The following EGFR variants were observed in gnomAD, a reference collection of about 807,000 sequenced individuals.
The protein encoded by EGFR is avian erythroblastic leukemia viral (v-erb-b) oncogene homolog.
In EGFR, 58 loss-of-function variants were observed where a neutral mutation model predicts 143.0. The observed-to-expected ratio is 0.41, with a 90% CI of 0.33 to 0.50. The LOEUF (loss-of-function observed/expected upper bound fraction) is 0.50, where lower values mean the gene tolerates loss of function less well. Among genes scored for constraint, EGFR ranks in the 20% least tolerant of loss-of-function variants. The probability of loss-of-function intolerance (pLI) is 0.39; values close to 1 mark genes in which losing one functional copy is unlikely to be tolerated. For synonymous variants in EGFR, 613 were observed against 594.4 expected, an observed-to-expected ratio of 1.03 and a Z score of -0.45; for missense variants, 1,307 against 1,579.0, an observed-to-expected ratio of 0.83 and a Z score of 2.92.
intron 19 of EGFR, among the ~76,000 whole-genome samples, chr7:55,178,062 C>A (rs548887656): frequency 7.2e-5 from 11 of 152,316 alleles, no homozygotes; most frequent in African/African-American, 1.2e-4. Flanking sequence ...CCACGCCCCC[C>A]GCTCTGCTCC....
rs2128964703 is a variant in EGFR, at chr7:55,191,862, A to G, written c.2613A>G (p.Ala871=). 3.1e-6 allele frequency: 5 copies of G among 1,613,884 alleles called. No individual in the cohort carries two copies. The highest frequency in any genetic ancestry group is 4.2e-6 in the Non-Finnish European group (5 of 1,180,040). The change falls in exon 21 of 28, where the codon GCA becomes GCG. Residue 871 remains alanine (A), a synonymous_variant. Coordinates refer to ENST00000275493, the MANE Select transcript of EGFR (RefSeq NM_005228.5). ...LLGAEEKEYH[A]EGGKVPIKWM... ...GTGCGGAAGAGAAAGAATACCATGC[A>G]GAAGGAGGCAAAGTAAGGAGGTGGC... is the stretch of plus-strand genomic sequence containing the variant.
At chr7:55,142,139 C>A in intron 1 of EGFR, 147 bp from the exon 2 acceptor site, 1 of 919,816 alleles carries the variant, frequency 1.1e-6, no homozygotes, top group Non-Finnish European at 1.7e-6. Flanking sequence ...GCTTTGCGCC[C>A]AGATGACCTG....
At chr7:55,166,808 GA>G in intron 15 of EGFR, among the ~76,000 whole-genome samples, 3 of 128,024 alleles carry the variant, frequency 2.3e-5, no homozygotes, top group Admixed American at 7.7e-5. Context: ...TGGTGGTGGT[GA>G]GGAGGTGGGA....
intron 1 of EGFR, among the ~76,000 whole-genome samples, chr7:55,059,584 G>A (rs577346590): frequency 2.0e-5 from 3 of 152,002 alleles, no homozygotes; most frequent in African/African-American, 7.2e-5. Context: ...ACGCAGAGTC[G>A]TCTCCTGGCC....
intron 1 of EGFR, among the ~76,000 whole-genome samples, chr7:55,060,816 C>G (rs1789123248): frequency 6.6e-6 from 1 of 152,172 alleles, no homozygotes; most frequent in Non-Finnish European, 1.5e-5. Context: ...GAGACAAGGG[C>G]TCAATGCCAA....
intron 1 of EGFR, among the ~76,000 whole-genome samples, chr7:55,071,294 T>G (rs1477498224): frequency 6.6e-6 from 1 of 152,258 alleles, no homozygotes; most frequent in Non-Finnish European, 1.5e-5. Context: ...AAATTGCCTT[T>G]GTATATTTTC....
At chr7:55,204,818 TACAC>T (rs1788043610) in intron 27 of EGFR, among the ~76,000 whole-genome samples, 1 of 121,556 alleles carries the variant, frequency 8.2e-6, no homozygotes, top group African/African-American at 3.2e-5. Context: ...ACACCACATA[TACAC>T]ACACGTACAC....
chr7:55,116,219 C>T (rs1792831286), intron 1 of EGFR, among the ~76,000 whole-genome samples: 1 of 152,230 alleles, frequency 6.6e-6, no homozygotes, highest in African/African-American at 2.4e-5. Flanking sequence ...GATCCCCTGA[C>T]CTCAAGCTCA....
rs772091823 is a variant in EGFR at position 55,191,744 on chromosome 7, G to T, written c.2495G>T (p.Arg832Leu). The T allele has an allele frequency of 6.2e-7, 1 of 1,613,936 alleles. No homozygotes were observed. The highest frequency in any genetic ancestry group is 8.5e-7 in the Non-Finnish European group (1 of 1,180,006). Reference sequence around the variant, plus strand: ...GGCATGAACTACTTGGAGGACCGTCGCTTGGTGCACCGCGACCTGGCAGCC... The same window carrying T: ...GGCATGAACTACTTGGAGGACCGTCTCTTGGTGCACCGCGACCTGGCAGCC... Reference protein sequence around the residue: ...AKGMNYLEDRRLVHRDLAARN... With the variant: ...AKGMNYLEDRLLVHRDLAARN... The change falls in exon 21 of 28, where the codon CGC becomes CTC. Residue 832 changes from arginine to leucine, a missense_variant. By Grantham distance (102) the Arg-to-Leu change is moderately radical. Around this residue, in one of 7 missense-constraint regions of EGFR, gnomAD observed 348 missense variants for 451.5 expected, o/e 0.77. Transcript: ENST00000275493.
Position 55,156,667 on chromosome 7 carries a change from A to G in EGFR, c.1133+8A>G, listed in dbSNP as rs769982998. 27 of 1,614,126 alleles carry G rather than the reference A, an allele frequency of 1.7e-5. No homozygotes were observed. In the Admixed American group the frequency reaches 4.5e-4, roughly 27 times the overall value. ...GCCGGTGGCATTTAGGGGGTGAGTC[A>G]CAGGTTCAGTTGCTTGTATAAAGAA... is the stretch of plus-strand genomic sequence containing the variant. On this transcript the variant is annotated splice_region_variant and intron_variant, in intron 9 of 27. Coordinates refer to ENST00000275493, the MANE Select transcript of EGFR (RefSeq NM_005228.5).
At chr7:55,058,467 T>C (rs112317270) in intron 1 of EGFR, among the ~76,000 whole-genome samples, 25,697 of 151,304 alleles carry the variant, frequency 0.17, 2,520 homozygotes, top group African/African-American at 0.27. Flanking sequence ...TAAATGCCCA[T>C]CGGTGATAGA....
intron 1 of EGFR, among the ~76,000 whole-genome samples, chr7:55,061,682 A>T (rs1331732368): frequency 1.4e-5 from 2 of 147,760 alleles, no homozygotes; most frequent in Non-Finnish European, 3.0e-5. Flanking sequence ...GACTGTAAAC[A>T]TATATCTCTG....
intron 15 of EGFR, 144 bp downstream of exon 15, chr7:55,165,581 C>G (rs1280869132): frequency 1.5e-5 from 17 of 1,126,148 alleles, no homozygotes; most frequent in Non-Finnish European, 2.0e-5. Flanking sequence ...CACAGCCATG[C>G]CAGTAGCAAC....
chr7:55,192,258 A>G (rs1256066196), intron 21 of EGFR, among the ~76,000 whole-genome samples: 2 of 152,156 alleles, frequency 1.3e-5, no homozygotes, highest in African/African-American at 4.8e-5. Flanking sequence ...TGCGGACCCG[A>G]GCTCCCAGGG....
At chr7:55,154,467 G>A (rs1288154865) in intron 7 of EGFR, among the ~76,000 whole-genome samples, 4 of 152,254 alleles carry the variant, frequency 2.6e-5, no homozygotes, top group Non-Finnish European at 4.4e-5. Flanking sequence ...AGCCACAGCC[G>A]TGGGTATTCA....
intron 1 of EGFR, among the ~76,000 whole-genome samples, chr7:55,131,460 C>T (rs1360569486): frequency 6.6e-6 from 1 of 152,180 alleles, no homozygotes; most frequent in East Asian, 1.9e-4. Flanking sequence ...CTTCCTTTTA[C>T]TGCTTCTCAT....
chr7:55,140,827 GAAC>G (rs934223856), intron 1 of EGFR, among the ~76,000 whole-genome samples: 1 of 152,220 alleles, frequency 6.6e-6, no homozygotes, highest in African/African-American at 2.4e-5. Context: ...CAGAAGGGAA[GAAC>G]AGGGAAATCC....
rs1055412180 is a variant in EGFR, at chr7:55,206,974, A to C, written c.*1357A>C. ...CAACATTTGCAGATGTTTTAGAAGG[A>C]AAAAAGTTCCTTCCTAAAATAATTT... On this transcript the variant is annotated 3_prime_UTR_variant, in exon 28 of 28. Transcript: ENST00000275493. The C allele has an allele frequency of 4.3e-6, 1 of 232,978 alleles. No individual in the cohort carries two copies. Among genetic ancestry groups the C allele is most frequent in the Admixed American group, 5.6e-5 (1 of 17,780 alleles). 14.4% of individuals were successfully genotyped at this position (232,978 alleles called of 1,614,324 possible). A position where few individuals can be genotyped will look rare whatever the true frequency, so the allele number is the denominator to read the frequency against.
intron 22 of EGFR, among the ~76,000 whole-genome samples, chr7:55,196,698 A>G (rs1188026382): frequency 5.3e-5 from 8 of 151,594 alleles, no homozygotes; most frequent in Non-Finnish European, 1.2e-4. Flanking sequence ...ATTTTTGTGT[A>G]TGGTGTAAGG....
Sources: gnomAD v4.1 joint callset for allele counts (sites outside exome capture counted in the v4.1 genomes callset) on GRCh38, gnomAD v4.1.1 for gene constraint, gnomAD v4.1.1 regional missense constraint, MANE v1.5 for transcripts, NCBI Gene and HGNC (gene_info 2026-07-23, HGNC 2026-07-21) for gene names.